KCNIP4: variants seen among roughly 807,000 people sequenced by gnomAD.
KCNIP4 encodes the protein potassium voltage-gated channel interacting protein 4, also known as Kv channel-interacting protein 4.
KCNIP4 carries 12 observed loss-of-function variants against 34.0 expected under a neutral mutation model. That is an observed-to-expected ratio of 0.35 (90% CI 0.23 to 0.57). The LOEUF (loss-of-function observed/expected upper bound fraction) is 0.57, where lower values mean the gene tolerates loss of function less well. KCNIP4 is among the 20% of genes least tolerant of loss of function. KCNIP4 has a pLI of 0.83. For missense variants in KCNIP4, 238 were observed against 311.7 expected (o/e 0.76, Z 1.78); for synonymous variants, 124 against 102.2 (o/e 1.21, Z -1.29).
intron 1 of KCNIP4, chr4:21,762,958 C>T: frequency 7.8e-7 from 1 of 1,288,816 alleles, no homozygotes; most frequent in Non-Finnish European, 1.0e-6. Context: ...CCGAAGTCTC[C>T]CTCTGGGACC....
At chr4:21,915,038 C>T (rs1202547598) in intron 1 of KCNIP4, among the ~76,000 whole-genome samples, 1 of 151,940 alleles carries the variant, frequency 6.6e-6, no homozygotes, top group Non-Finnish European at 1.5e-5. Context: ...AAAATGAGAG[C>T]AGTTGAATCT....
intron 1 of KCNIP4, among the ~76,000 whole-genome samples, chr4:21,726,693 G>A (rs1358391191): frequency 6.6e-6 from 1 of 152,042 alleles, no homozygotes; most frequent in African/African-American, 2.4e-5. Context: ...CACTGTAATT[G>A]CTTCTTTAAT....
chr4:21,621,855 G>GT (rs1421413791), intron 1 of KCNIP4, among the ~76,000 whole-genome samples: 1 of 152,180 alleles, frequency 6.6e-6, no homozygotes, highest in Non-Finnish European at 1.5e-5. Context: ...GTTGGAGCCA[G>GT]TGCCTTTATC....
intron 1 of KCNIP4, among the ~76,000 whole-genome samples, chr4:21,347,645 T>C (rs1717584340): frequency 6.6e-6 from 1 of 152,188 alleles, no homozygotes; most frequent in Non-Finnish European, 1.5e-5. Context: ...CTGCAGAATA[T>C]GGGTGTTGTG....
intron 1 of KCNIP4, among the ~76,000 whole-genome samples, chr4:21,110,305 A>G (rs900743921): frequency 6.6e-6 from 1 of 152,206 alleles, no homozygotes; most frequent in African/African-American, 2.4e-5. Flanking sequence ...CACTTGCTAG[A>G]GGCTAATGAG....
chr4:21,166,443 C>T (rs1440992118), intron 1 of KCNIP4, among the ~76,000 whole-genome samples: 2 of 152,150 alleles, frequency 1.3e-5, no homozygotes, highest in Non-Finnish European at 2.9e-5. Context: ...GACAGGAATG[C>T]TCACAAGTGC....
chr4:21,314,710 G>C (rs949176570), intron 1 of KCNIP4, among the ~76,000 whole-genome samples: 2 of 152,282 alleles, frequency 1.3e-5, no homozygotes, highest in African/African-American at 4.8e-5. Flanking sequence ...TGGTAACAAG[G>C]AAAGGAGAAT....
At chr4:21,726,280 G>A (rs892700884) in intron 1 of KCNIP4, among the ~76,000 whole-genome samples, 1 of 152,072 alleles carries the variant, frequency 6.6e-6, no homozygotes, top group Non-Finnish European at 1.5e-5. Context: ...TGAAGCAGTT[G>A]TTCCCTCAGT....
chr4:21,215,522 G>A (rs1757493355), intron 1 of KCNIP4, among the ~76,000 whole-genome samples: 1 of 152,144 alleles, frequency 6.6e-6, no homozygotes. Flanking sequence ...TTCCATATGT[G>A]ATGAGGTTGG....
At chr4:21,510,010 C>T (rs1176881138) in intron 1 of KCNIP4, among the ~76,000 whole-genome samples, 1 of 140,202 alleles carries the variant, frequency 7.1e-6, no homozygotes, top group East Asian at 2.1e-4. Flanking sequence ...CCCAGCTACT[C>T]GGAAAGCAGC....
chr4:21,763,702 T>G (rs1203158573), intron 1 of KCNIP4, among the ~76,000 whole-genome samples: 1 of 152,172 alleles, frequency 6.6e-6, no homozygotes, highest in Non-Finnish European at 1.5e-5. Context: ...GCACAGTTAT[T>G]CTGAGGATTA....
intron 5 of KCNIP4, among the ~76,000 whole-genome samples, chr4:20,746,229 G>C (rs1302920206): frequency 6.6e-6 from 1 of 152,152 alleles, no homozygotes; most frequent in Non-Finnish European, 1.5e-5. Context: ...CCTTTGTGGG[G>C]AATGAAGCTG....
intron 1 of KCNIP4, among the ~76,000 whole-genome samples, chr4:21,786,390 C>T (rs1434341715): frequency 6.6e-6 from 1 of 152,220 alleles, no homozygotes; most frequent in Non-Finnish European, 1.5e-5. Context: ...AGATTCTTAT[C>T]TCTCTCCATT....
At chr4:21,467,069 A>ACAC (rs1254311955) in intron 1 of KCNIP4, among the ~76,000 whole-genome samples, 2 of 97,054 alleles carry the variant, frequency 2.1e-5, no homozygotes, top group Non-Finnish European at 4.1e-5. Context: ...ACCAAACCAA[A>ACAC]ACAAACACAC....
At chr4:20,991,582 A>G (rs904737753) in intron 1 of KCNIP4, among the ~76,000 whole-genome samples, 6 of 152,182 alleles carry the variant, frequency 3.9e-5, no homozygotes, top group Non-Finnish European at 8.8e-5. Flanking sequence ...TCTAAAATGA[A>G]TAAAAGAGGG....
chr4:21,334,236 G>C (rs567526987), intron 1 of KCNIP4, among the ~76,000 whole-genome samples: 6 of 152,036 alleles, frequency 3.9e-5, no homozygotes, highest in African/African-American at 1.2e-4. Flanking sequence ...TATTAAAATA[G>C]AGTTAATAAT....
chr4:21,707,144 C>A (rs147693254), intron 1 of KCNIP4, among the ~76,000 whole-genome samples: 2 of 152,254 alleles, frequency 1.3e-5, no homozygotes, highest in East Asian at 3.9e-4. Flanking sequence ...ACAAACCATA[C>A]GATAAACATT....
chr4:21,783,603 G>GA (rs1279554299), intron 1 of KCNIP4, among the ~76,000 whole-genome samples: 1 of 151,784 alleles, frequency 6.6e-6, no homozygotes, highest in African/African-American at 2.4e-5. Flanking sequence ...GTCATTTCCA[G>GA]AAAAAAATAA....
At chr4:21,827,611 T>C (rs1416971537) in intron 1 of KCNIP4, among the ~76,000 whole-genome samples, 6 of 152,004 alleles carry the variant, frequency 3.9e-5, no homozygotes, top group Non-Finnish European at 8.8e-5. Context: ...TTGTGAAAGG[T>C]GTTCAGAGAG....
Sources: gnomAD v4.1 joint callset for allele counts (sites outside exome capture counted in the v4.1 genomes callset) on GRCh38, gnomAD v4.1.1 for gene constraint, MANE v1.5 for transcripts, NCBI Gene and HGNC (gene_info 2026-07-23, HGNC 2026-07-21) for gene names.